The following RALGPS1 variants were observed in gnomAD, a reference collection of about 807,000 sequenced individuals.
The protein encoded by RALGPS1 is ras-specific guanine nucleotide-releasing factor RalGPS1.
In RALGPS1, 19 loss-of-function variants were observed where a neutral mutation model predicts 78.8. The ratio of observed to expected loss-of-function variants is 0.24; its 90% CI spans 0.17 to 0.35. The LOEUF is 0.35. Ranked by LOEUF, RALGPS1 falls within the 10% of genes least tolerant of loss-of-function variation. The probability of loss-of-function intolerance (pLI) is 1.00; values close to 1 mark genes in which losing one functional copy is unlikely to be tolerated. For missense variants in RALGPS1, 454 were observed against 688.3 expected (o/e 0.66, Z 3.81); for synonymous variants, 228 against 256.3 (o/e 0.89, Z 1.06).
intron 10 of RALGPS1, among the ~76,000 whole-genome samples, chr9:127,170,419 T>C (rs1363111767): frequency 3.9e-5 from 6 of 152,240 alleles, no homozygotes; most frequent in Non-Finnish European, 7.3e-5. Flanking sequence ...TTGTTTTATA[T>C]AATAATTTGT....
At chr9:127,078,238 C>A (rs1283117892) in intron 8 of RALGPS1, among the ~76,000 whole-genome samples, 6 of 152,192 alleles carry the variant, frequency 3.9e-5, no homozygotes, top group African/African-American at 1.4e-4. Context: ...CATTTTGTTT[C>A]AAATCTCTCC....
chr9:127,178,040 C>A (rs1490958901), intron 11 of RALGPS1: 1 of 1,493,918 alleles, frequency 6.7e-7, no homozygotes, highest in African/African-American at 1.4e-5. Flanking sequence ...ATGGGCCGGC[C>A]CAGGGTCCTG....
intron 4 of RALGPS1, among the ~76,000 whole-genome samples, chr9:126,996,942 T>G (rs1378551845): frequency 6.6e-6 from 1 of 152,200 alleles, no homozygotes; most frequent in African/African-American, 2.4e-5. Context: ...CACATGATTA[T>G]CTCAATAGAT....
chr9:126,986,242 C>A (rs1264561368), intron 4 of RALGPS1, among the ~76,000 whole-genome samples: 3 of 152,134 alleles, frequency 2.0e-5, no homozygotes, highest in South Asian at 2.1e-4. Flanking sequence ...AAATATGGAA[C>A]CATAACTGCC....
At chr9:127,021,098 T>C (rs1389874155) in intron 4 of RALGPS1, among the ~76,000 whole-genome samples, 1 of 152,186 alleles carries the variant, frequency 6.6e-6, no homozygotes, top group Non-Finnish European at 1.5e-5. Context: ...GTAATTTAAA[T>C]TTTCTTCATT....
chr9:127,217,901 AT>A (rs2062661753), intron 18 of RALGPS1: 1 of 152,112 alleles, frequency 6.6e-6, no homozygotes. Flanking sequence ...ATTTTTACTC[AT>A]TTTGTTTTTA....
Position 127,218,890 on chromosome 9 carries a change from CAG to C in RALGPS1, c.*122_*123del, listed in dbSNP as rs746422437. On this transcript the variant is annotated 3_prime_UTR_variant, in exon 19 of 19. Transcript: ENST00000259351. The surrounding 1 kb of genome is among the most constrained non-coding windows in gnomAD (Gnocchi z 4.4). ...GTGCTGGGAAACTCACAGCTGGACT[CAG>C]GGGACACGGCCTGTGGCCTCACCAT... 9.1e-5 allele frequency: 106 copies of C among 1,166,164 alleles called. No homozygotes were observed. The highest frequency in any genetic ancestry group is 3.1e-4 in the South Asian group (25 of 81,712). The allele number at this position is 1,166,164 out of a possible 1,614,324, so 72.2% of individuals were successfully genotyped here.
rs779383238 is a variant in RALGPS1 at position 127,096,608 on chromosome 9, C to G, written c.610+27252C>G. Among the ~76,000 whole-genome samples the G allele has an allele frequency of 1.1e-4, 16 of 152,312 alleles. No homozygotes were observed. The South Asian group carries it at 1.2e-3, about 12-fold the overall frequency. ...GCGCCATGAATGATCTCAGTTTTAC[C>G]TTTGGCATTTCCACCAAGGGCTCTT... On this transcript the variant is annotated intron_variant, in intron 8 of 18. Coordinates refer to ENST00000259351, the MANE Select transcript of RALGPS1 (RefSeq NM_014636.3).
At chr9:127,062,971 T>G (rs1004186183) in intron 7 of RALGPS1, among the ~76,000 whole-genome samples, 4 of 152,208 alleles carry the variant, frequency 2.6e-5, no homozygotes, top group Non-Finnish European at 5.9e-5. Context: ...GTCCATAGAT[T>G]ATCCACAACA....
At chr9:126,957,062 C>G (rs1291020648) in intron 1 of RALGPS1, among the ~76,000 whole-genome samples, 3 of 152,226 alleles carry the variant, frequency 2.0e-5, no homozygotes, top group Admixed American at 6.5e-5. Context: ...AGTCTGTAGT[C>G]TTTACCTCAT....
chr9:127,003,050 T>G (rs2043490459), intron 4 of RALGPS1, among the ~76,000 whole-genome samples: 1 of 152,218 alleles, frequency 6.6e-6, no homozygotes, highest in African/African-American at 2.4e-5. Context: ...TGAACTAGTT[T>G]ACAGTCCCAC....
At chr9:127,145,089 G>A (rs1232989156) in intron 8 of RALGPS1, among the ~76,000 whole-genome samples, 1 of 152,216 alleles carries the variant, frequency 6.6e-6, no homozygotes, top group African/African-American at 2.4e-5. Flanking sequence ...TATATAAAGT[G>A]AGATAAGAAA....
intron 2 of RALGPS1, among the ~76,000 whole-genome samples, chr9:126,964,815 A>C (rs955078117): frequency 6.6e-6 from 1 of 152,212 alleles, no homozygotes; most frequent in Non-Finnish European, 1.5e-5. Context: ...AAAGCACTCT[A>C]GTTTTCAGGA....
At chr9:127,057,261 A>G (rs961504996) in intron 7 of RALGPS1, among the ~76,000 whole-genome samples, 7 of 152,188 alleles carry the variant, frequency 4.6e-5, no homozygotes, top group Non-Finnish European at 4.4e-5. Flanking sequence ...AAATGCAGCT[A>G]GCACACAGGG....
intron 4 of RALGPS1, among the ~76,000 whole-genome samples, chr9:127,029,309 C>T (rs958241178): frequency 6.6e-6 from 1 of 152,220 alleles, no homozygotes; most frequent in Non-Finnish European, 1.5e-5. Context: ...GCACTGTCTC[C>T]CTGACTGCCT....
At chr9:127,113,011 G>C (rs1199933880) in intron 8 of RALGPS1, among the ~76,000 whole-genome samples, 5 of 152,182 alleles carry the variant, frequency 3.3e-5, no homozygotes, top group Non-Finnish European at 5.9e-5. Context: ...TGCGAGCAGT[G>C]GGACCTCTTG....
chr9:127,135,581 G>C (rs1213379208), intron 8 of RALGPS1, among the ~76,000 whole-genome samples: 1 of 152,220 alleles, frequency 6.6e-6, no homozygotes, highest in African/African-American at 2.4e-5. Flanking sequence ...GTGGGGACCG[G>C]CTTGACAGGA....
intron 8 of RALGPS1, among the ~76,000 whole-genome samples, chr9:127,076,753 G>A (rs2050714020): frequency 6.6e-6 from 1 of 152,172 alleles, no homozygotes; most frequent in Admixed American, 6.5e-5. Context: ...CACCAGCACT[G>A]GACAAGAAAC....
At chr9:127,055,598 G>A (rs1268414242) in intron 7 of RALGPS1, among the ~76,000 whole-genome samples, 2 of 152,166 alleles carry the variant, frequency 1.3e-5, no homozygotes, top group African/African-American at 4.8e-5. Context: ...GTCATTTATA[G>A]ATGAGGAAAC....
Sources: gnomAD v4.1 joint callset for allele counts (sites outside exome capture counted in the v4.1 genomes callset) on GRCh38, gnomAD v4.1.1 for gene constraint, Gnocchi (gnomAD v3.1) non-coding constraint, MANE v1.5 for transcripts, NCBI Gene and HGNC (gene_info 2026-07-23, HGNC 2026-07-21) for gene names.